Variants in WDPCP observed in about 807,000 individuals in gnomAD.
WDPCP encodes WD repeat-containing and planar cell polarity effector protein fritz homolog.
WDPCP carries 71 observed loss-of-function variants against 93.1 expected under a neutral mutation model. The observed-to-expected ratio is 0.76, with a 90% confidence interval of 0.63 to 0.93. The LOEUF is 0.93. WDPCP is among the 40% of genes least tolerant of loss of function. The pLI is 0.00. For synonymous variants in WDPCP, 315 were observed against 315.0 expected, an observed-to-expected ratio of 1.00 and a Z score of 0.00; for missense variants, 844 against 887.4, an observed-to-expected ratio of 0.95 and a Z score of 0.62.
chr2:63,713,702 C>T (rs907803502), intron 2 of WDPCP, among the ~76,000 whole-genome samples: 6 of 152,204 alleles, frequency 3.9e-5, no homozygotes, highest in Non-Finnish European at 4.4e-5. Flanking sequence ...GAAAGGGGCA[C>T]AAACCTGACT....
In WDPCP at chr2:63,478,545, T is replaced by G. The variant is rs576519757; in HGVS notation, c.384+6059A>C. Among the ~76,000 whole-genome samples the G allele has an allele frequency of 1.3e-4, 20 of 152,074 alleles. No individual in the cohort carries two copies. The South Asian group carries it at 3.5e-3, about 27-fold the overall frequency. ...AAAGGAACCCTCAAAACCATGCAAA[T>G]ACATGGAAATTAAATAACCTGCTCC... On this transcript the variant is annotated intron_variant, in intron 6 of 17. Coordinates refer to ENST00000272321, the MANE Select transcript of WDPCP (RefSeq NM_015910.7).
intron 15 of WDPCP, among the ~76,000 whole-genome samples, chr2:63,157,551 C>T (rs1672345643): frequency 6.6e-6 from 1 of 152,106 alleles, no homozygotes; most frequent in African/African-American, 2.4e-5. Context: ...TTTTAAACTA[C>T]AAATTTAATT....
intron 2 of WDPCP, among the ~76,000 whole-genome samples, chr2:63,703,380 C>G (rs977202267): frequency 3.3e-5 from 5 of 152,136 alleles, no homozygotes; most frequent in Admixed American, 1.3e-4. Context: ...CTCTCCAGCA[C>G]CTGTTGTTTC....
intron 2 of WDPCP, among the ~76,000 whole-genome samples, chr2:63,767,937 T>A (rs1372331593): frequency 6.6e-6 from 1 of 152,104 alleles, no homozygotes; most frequent in African/African-American, 2.4e-5. Context: ...TTTCTCTTAA[T>A]TTTTCCTTAC....
Position 63,157,569 on chromosome 2 carries a change from T to C in WDPCP, c.2079-3995A>G, listed in dbSNP as rs1672346007. Reference sequence around the variant, plus strand: ...TAAACTACAAATTTAATTCCTTTAATAGCCATAGGATTCAGATGATCTCTT... The same window carrying C: ...TAAACTACAAATTTAATTCCTTTAACAGCCATAGGATTCAGATGATCTCTT... On this transcript the variant is annotated intron_variant, in intron 15 of 17. Transcript: ENST00000272321. Among the ~76,000 whole-genome samples, 5 of 152,306 alleles carry C rather than the reference T, an allele frequency of 3.3e-5. No homozygotes were observed. The South Asian group carries it at 1.0e-3, about 32-fold the overall frequency.
chr2:63,639,292 G>A (rs879461590), intron 3 of WDPCP, among the ~76,000 whole-genome samples: 21 of 152,100 alleles, frequency 1.4e-4, no homozygotes, highest in Non-Finnish European at 2.2e-4. Flanking sequence ...ACAAACATGC[G>A]CCATCATGCT....
intron 3 of WDPCP, among the ~76,000 whole-genome samples, chr2:63,628,772 G>A (rs1361411379): frequency 6.6e-6 from 1 of 152,198 alleles, no homozygotes; most frequent in African/African-American, 2.4e-5. Flanking sequence ...GGGTCTGAGA[G>A]AAGGGCACAT....
At chr2:63,135,877 A>C (rs966485417) in intron 17 of WDPCP, among the ~76,000 whole-genome samples, 2 of 152,108 alleles carry the variant, frequency 1.3e-5, no homozygotes, top group African/African-American at 4.8e-5. Flanking sequence ...GACTACAGGC[A>C]CGTGTACCGT....
intron 1 of WDPCP, among the ~76,000 whole-genome samples, chr2:63,548,975 G>C (rs189151152): frequency 1.3e-5 from 2 of 152,144 alleles, no homozygotes; most frequent in African/African-American, 4.8e-5. Context: ...TTGGCCAGGC[G>C]TGGTGGCTCA....
chr2:63,522,455 G>GACAGACACAC lies in WDPCP; in HGVS notation c.76-29516_76-29515insGTGTGTCTGT, dbSNP rs578104206. ...GGAAATCAAGACAGACAGACAGACA[G>GACAGACACAC]ACACACACACACACACACACACACA... On this transcript the variant is annotated intron_variant, in intron 1 of 17. Transcript: ENST00000272321. Among the ~76,000 whole-genome samples, 42 of 127,292 alleles carry GACAGACACAC rather than the reference G, an allele frequency of 3.3e-4. 1 individual carries two copies. The highest frequency in any genetic ancestry group is 1.1e-3 in the South Asian group (4 of 3,788). The allele number at this position is 127,292 out of a possible 152,430, so 83.5% of individuals were successfully genotyped here.
chr2:63,520,537 C>T (rs970022060), intron 1 of WDPCP, among the ~76,000 whole-genome samples: 4 of 152,190 alleles, frequency 2.6e-5, no homozygotes, highest in Admixed American at 2.6e-4. Context: ...TACTGCAGAT[C>T]TGTCAGCAAA....
At chr2:63,328,822 G>T (rs545827277) in intron 12 of WDPCP, among the ~76,000 whole-genome samples, 2 of 152,152 alleles carry the variant, frequency 1.3e-5, no homozygotes, top group Non-Finnish European at 2.9e-5. Context: ...AAACTCCTGG[G>T]CTCAGGTGAT....
At chr2:63,692,697 A>T (rs1478167425) in intron 2 of WDPCP, among the ~76,000 whole-genome samples, 1 of 152,242 alleles carries the variant, frequency 6.6e-6, no homozygotes, top group African/African-American at 2.4e-5. Flanking sequence ...AGTACAAATT[A>T]AGTAATATAG....
At chr2:63,329,001 G>A (rs976086054) in intron 12 of WDPCP, among the ~76,000 whole-genome samples, 7 of 152,274 alleles carry the variant, frequency 4.6e-5, no homozygotes, top group South Asian at 2.1e-4. Context: ...TGCTACAGGC[G>A]TGAGCCACCA....
At chr2:63,648,149 CT>C (rs1398921291) in intron 3 of WDPCP, among the ~76,000 whole-genome samples, 2 of 152,248 alleles carry the variant, frequency 1.3e-5, no homozygotes, top group Non-Finnish European at 2.9e-5. Context: ...CAAAATCTGC[CT>C]CTCTGTATGA....
chr2:63,753,877 GA>G (rs2103892004), intron 2 of WDPCP, among the ~76,000 whole-genome samples: 1 of 152,318 alleles, frequency 6.6e-6, no homozygotes, highest in African/African-American at 2.4e-5. Context: ...CAGTTTTATG[GA>G]AGTAGGTAGC....
At chr2:63,147,726 T>TG (rs943682836) in intron 17 of WDPCP, among the ~76,000 whole-genome samples, 4 of 152,046 alleles carry the variant, frequency 2.6e-5, no homozygotes, top group African/African-American at 4.8e-5. Flanking sequence ...CCCAGCACTT[T>TG]GGGGGGCCAA....
intron 14 of WDPCP, among the ~76,000 whole-genome samples, chr2:63,223,215 C>G (rs1332822213): frequency 2.6e-5 from 4 of 152,108 alleles, no homozygotes; most frequent in Non-Finnish European, 4.4e-5. Flanking sequence ...TCTATTCATA[C>G]TTGAATGTTG....
intron 17 of WDPCP, among the ~76,000 whole-genome samples, chr2:63,137,497 G>A (rs1162563256): frequency 6.6e-6 from 1 of 152,070 alleles, no homozygotes; most frequent in Non-Finnish European, 1.5e-5. Context: ...CCATTCTGCA[G>A]GTTATCTGTT....
Sources: gnomAD v4.1 joint callset for allele counts (sites outside exome capture counted in the v4.1 genomes callset) on GRCh38, gnomAD v4.1.1 for gene constraint, MANE v1.5 for transcripts, NCBI Gene and HGNC (gene_info 2026-07-23, HGNC 2026-07-21) for gene names.